ATP6V1C1: variants seen among roughly 807,000 people sequenced by gnomAD.
The protein encoded by ATP6V1C1 is ATPase H+ transporting V1 subunit C1.
Under a neutral mutation model 53.9 loss-of-function variants are expected in ATP6V1C1, and 45 were observed. That is an observed-to-expected ratio of 0.83 (90% CI 0.66 to 1.07). ATP6V1C1 has a LOEUF of 1.07. ATP6V1C1 is among the 50% of genes least tolerant of loss of function. The pLI is 0.00. For synonymous variants in ATP6V1C1, 153 were observed against 155.2 expected (o/e 0.99, Z 0.11); for missense variants, 315 against 440.3 (o/e 0.72, Z 2.55).
At chr8:103,021,450 C>T (rs889294228) in intron 1 of ATP6V1C1, 2 of 152,224 alleles carry the variant, frequency 1.3e-5, no homozygotes, top group Non-Finnish European at 2.9e-5. Context: ...AAAGAGCTCT[C>T]GTGGGTAGTT....
At position 103,068,889 on chromosome 8, in the gene ATP6V1C1, C is replaced by A; in HGVS notation, c.*142C>A. 2.1e-6 allele frequency: 1 copy of A among 471,290 alleles called. No homozygotes were observed. The highest frequency in any genetic ancestry group is 3.6e-6 in the Non-Finnish European group (1 of 280,762). 29.2% of individuals were successfully genotyped at this position (471,290 alleles called of 1,614,324 possible). A position where few individuals can be genotyped will look rare whatever the true frequency, so the allele number is the denominator to read the frequency against. On this transcript the variant is annotated 3_prime_UTR_variant, in exon 13 of 13. Coordinates refer to ENST00000518738, the MANE Select transcript of ATP6V1C1 (RefSeq NM_001695.5). ...CCTAGGTGAATTCTCCCACAGTGGT[C>A]TGTATCTCAACATTTTCTTTTTAAA...
intron 1 of ATP6V1C1, among the ~76,000 whole-genome samples, chr8:103,033,866 T>C (rs1816841330): frequency 6.6e-6 from 1 of 152,248 alleles, no homozygotes; most frequent in African/African-American, 2.4e-5. Flanking sequence ...TTGGCTGCTA[T>C]GAACATTTGA....
intron 8 of ATP6V1C1, among the ~76,000 whole-genome samples, chr8:103,060,062 G>C (rs1265866348): frequency 6.6e-6 from 1 of 151,498 alleles, no homozygotes; most frequent in Non-Finnish European, 1.5e-5. Flanking sequence ...CTGCCTCCCG[G>C]GTTCAAGTGA....
intron 11 of ATP6V1C1, 26 bp from the exon 12 acceptor site, chr8:103,066,295 G>C (rs112591230): frequency 9.4e-6 from 15 of 1,593,142 alleles, no homozygotes; most frequent in Non-Finnish European, 1.3e-5. Context: ...CTTGTATTGC[G>C]TACTGTATTT....
intron 8 of ATP6V1C1, among the ~76,000 whole-genome samples, chr8:103,058,080 G>A (rs962822403): frequency 6.6e-6 from 1 of 152,172 alleles, no homozygotes; most frequent in African/African-American, 2.4e-5. Context: ...CAGGGGGATG[G>A]TCTGTAGGCT....
chr8:103,040,714 T>G, intron 1 of ATP6V1C1, 84 bp from the exon 2 acceptor site: 2 of 1,233,270 alleles, frequency 1.6e-6, no homozygotes, highest in Non-Finnish European at 2.2e-6. Flanking sequence ...ACAGGTTATA[T>G]GTTATAACTT....
At chr8:103,049,428 T>A (rs922963803) in intron 4 of ATP6V1C1, among the ~76,000 whole-genome samples, 1 of 152,218 alleles carries the variant, frequency 6.6e-6, no homozygotes, top group African/African-American at 2.4e-5. Flanking sequence ...TTTTGGCATT[T>A]CTTTACTTAA....
At chr8:103,032,340 C>T (rs2131383688) in intron 1 of ATP6V1C1, among the ~76,000 whole-genome samples, 1 of 152,312 alleles carries the variant, frequency 6.6e-6, no homozygotes, top group African/African-American at 2.4e-5. Flanking sequence ...ACTGGAATGG[C>T]TAAAAATGAA....
intron 10 of ATP6V1C1, 51 bp from the exon 11 acceptor site, chr8:103,064,663 T>C (rs757129473): frequency 6.7e-7 from 1 of 1,484,748 alleles, no homozygotes; most frequent in Admixed American, 1.9e-5. Flanking sequence ...TTGGTCTATC[T>C]AATTGCTATT....
At chr8:103,050,764 A>C (rs1300293333) in intron 4 of ATP6V1C1, among the ~76,000 whole-genome samples, 2 of 152,210 alleles carry the variant, frequency 1.3e-5, no homozygotes, top group Non-Finnish European at 2.9e-5. Flanking sequence ...TGTCTCCTAC[A>C]TATGAGGCAT....
intron 3 of ATP6V1C1, among the ~76,000 whole-genome samples, chr8:103,047,444 ACACACACACACACACACAC>A (rs1481027246): frequency 1.9e-4 from 22 of 115,790 alleles, no homozygotes; most frequent in Non-Finnish European, 3.6e-4. Flanking sequence ...ACACACACAC[ACACACACACACACACACAC>A]ATTTTTTTTT....
chr8:103,045,038 A>C (rs1359028472), intron 3 of ATP6V1C1, among the ~76,000 whole-genome samples: 1 of 152,228 alleles, frequency 6.6e-6, no homozygotes, highest in African/African-American at 2.4e-5. Flanking sequence ...ATCAGTCTAC[A>C]GTTCCTTCAA....
rs773202741 is a variant in ATP6V1C1, at chr8:103,066,408, G to T, written c.1014G>T (p.Leu338Phe). 18 of 1,612,816 alleles carry T rather than the reference G, an allele frequency of 1.1e-5. No individual in the cohort carries two copies. In the African/African-American group the frequency reaches 1.9e-4, roughly 17 times the overall value. The change falls in exon 12 of 13, where the codon TTG becomes TTT. Residue 338 changes from leucine to phenylalanine, a missense_variant. Coordinates refer to ENST00000518738, the MANE Select transcript of ATP6V1C1 (RefSeq NM_001695.5). ...AACTGAGAGAAGTATTACATGAATT[G>T]TATAAACATCTAGACAGCAGTGCAG... is the stretch of plus-strand genomic sequence containing the variant. ...LKKLREVLHELYKHLDSSAAA... is the reference protein window; with the variant it reads ...LKKLREVLHEFYKHLDSSAAA...
Position 103,052,714 on chromosome 8 carries a change from C to T in ATP6V1C1, c.382-17C>T. 6.6e-7 allele frequency: 1 copy of T among 1,523,156 alleles called. No homozygotes were observed. 94.4% of individuals were successfully genotyped at this position (1,523,156 alleles called of 1,614,324 possible). ...TAGGAAAATTTTATCTATTTTTCTT[C>T]TTTTTCTTTTTCAAAGGGAGTAACT... On this transcript the variant is annotated splice_polypyrimidine_tract_variant and intron_variant, in intron 5 of 12. Coordinates refer to ENST00000518738, the MANE Select transcript of ATP6V1C1 (RefSeq NM_001695.5).
At chr8:103,055,681 C>T (rs2270673) in intron 7 of ATP6V1C1, among the ~76,000 whole-genome samples, 187 bp from the exon 8 acceptor site, 39,706 of 152,060 alleles carry the variant, frequency 0.26, 6,021 homozygotes, top group Admixed American at 0.39. Flanking sequence ...ATCTGTTTTT[C>T]CTGCATTACT....
Position 103,052,797 on chromosome 8 carries a change from C to A in ATP6V1C1, c.448C>A (p.Leu150Ile). ...TGCATACAATAACCTGAAAGGAAAT[C>A]TTCAGAATTTGGAACGAAAGAATGC... ...ASAYNNLKGNLQNLERKNAGS... is the reference protein window; with the variant it reads ...ASAYNNLKGNIQNLERKNAGS... The change falls in exon 6 of 13, where the codon CTT becomes ATT. Residue 150 changes from leucine to isoleucine, a missense_variant. Coordinates refer to ENST00000518738, the MANE Select transcript of ATP6V1C1 (RefSeq NM_001695.5). The A allele has an allele frequency of 6.3e-7, 1 of 1,597,106 alleles. No homozygotes were observed.
chr8:103,063,241 A>G lies in ATP6V1C1; in HGVS notation c.828+13A>G, dbSNP rs768285313. ...GAAAAAACAATTTGTATGTGTTTTT[A>G]ATATTTAGTATTATCAGTACTAAGC... On this transcript the variant is annotated intron_variant, in intron 10 of 12. Transcript: ENST00000518738. The G allele has an allele frequency of 9.2e-6, 14 of 1,526,574 alleles. No individual in the cohort carries two copies. Among genetic ancestry groups the G allele is most frequent in the East Asian group, 4.5e-5 (2 of 44,272 alleles). 94.6% of individuals were successfully genotyped at this position (1,526,574 alleles called of 1,614,324 possible).
intron 3 of ATP6V1C1, among the ~76,000 whole-genome samples, chr8:103,046,449 C>T (rs572292833): frequency 3.4e-4 from 51 of 152,170 alleles, no homozygotes; most frequent in African/African-American, 1.1e-3. Flanking sequence ...TGGCCTCAAG[C>T]GATCCTCCCA....
chr8:103,025,955 G>A (rs1434035992), intron 1 of ATP6V1C1, among the ~76,000 whole-genome samples: 2 of 152,212 alleles, frequency 1.3e-5, no homozygotes, highest in Admixed American at 6.5e-5. Flanking sequence ...ATGTGGTACC[G>A]TGGTCCAGTC....
Sources: gnomAD v4.1 joint callset for allele counts (sites outside exome capture counted in the v4.1 genomes callset) on GRCh38, gnomAD v4.1.1 for gene constraint, MANE v1.5 for transcripts, NCBI Gene and HGNC (gene_info 2026-07-23, HGNC 2026-07-21) for gene names.